The following ERG variants were observed in gnomAD, a reference collection of about 807,000 sequenced individuals.
ERG encodes ETS transcription factor ERG.
Under a neutral mutation model 55.3 loss-of-function variants are expected in ERG, and 9 were observed. The observed-to-expected ratio is 0.16, with a 90% CI of 0.10 to 0.28. ERG has a LOEUF of 0.28. Among genes scored for constraint, ERG ranks in the 10% least tolerant of loss-of-function variants. ERG has a pLI of 1.00. For synonymous variants in ERG, 223 were observed against 237.3 expected, an observed-to-expected ratio of 0.94 and a Z score of 0.55; for missense variants, 434 against 631.6, an observed-to-expected ratio of 0.69 and a Z score of 3.35.
At chr21:38,503,238 T>C (rs375938827), upstream of ERG, among the ~76,000 whole-genome samples, 2 of 152,208 alleles carry the variant, frequency 1.3e-5, no homozygotes, top group African/African-American at 4.8e-5. Flanking sequence ...ATGTTGTTCA[T>C]TTTTGTAAAT....
chr21:38,428,885 T>C (rs17193878), intron 2 of ERG, among the ~76,000 whole-genome samples: 5,858 of 152,244 alleles, frequency 0.038, 298 homozygotes, highest in East Asian at 0.21. Context: ...AAAATCATTT[T>C]GTCTTTTTAT....
intron 2 of ERG, among the ~76,000 whole-genome samples, chr21:38,514,345 A>G (rs2059536500): frequency 6.6e-6 from 1 of 151,910 alleles, no homozygotes; most frequent in Non-Finnish European, 1.5e-5. Flanking sequence ...TTCATACATA[A>G]ACATAGATGC....
In ERG at chr21:38,527,300, C is replaced by T. The variant is rs542459432; in HGVS notation, c.-41+48362G>A. Among the ~76,000 whole-genome samples, 8 of 152,318 alleles carry T rather than the reference C, an allele frequency of 5.3e-5. No individual in the cohort carries two copies. The East Asian group carries it at 1.5e-3, about 29-fold the overall frequency. On this transcript the variant is annotated intron_variant, in intron 2 of 8. Coordinates refer to the ERG transcript ENST00000398897. ...AAGTGTGGTCTCAGACCAGCAGCCTCAGCTGCAGCTGGGGGCTTGGAAATG... is the reference window on the plus strand; with the variant it reads ...AAGTGTGGTCTCAGACCAGCAGCCTTAGCTGCAGCTGGGGGCTTGGAAATG...
intron 2 of ERG, among the ~76,000 whole-genome samples, chr21:38,517,355 A>G (rs768022785): frequency 6.6e-6 from 1 of 152,198 alleles, no homozygotes; most frequent in Non-Finnish European, 1.5e-5. Flanking sequence ...CATATGAAAA[A>G]AAATACTCAA....
intron 2 of ERG, among the ~76,000 whole-genome samples, chr21:38,532,379 T>C (rs2059678994): frequency 6.6e-6 from 1 of 151,744 alleles, no homozygotes; most frequent in Non-Finnish European, 1.5e-5. Flanking sequence ...AATGTGATTG[T>C]AGGCTTCCAT....
At chr21:38,484,931 G>C (rs1568842019) in intron 1 of ERG, among the ~76,000 whole-genome samples, 1 of 151,632 alleles carries the variant, frequency 6.6e-6, no homozygotes, top group Non-Finnish European at 1.5e-5. Context: ...AATGATAATA[G>C]TTGACTATGT....
intron 1 of ERG, among the ~76,000 whole-genome samples, chr21:38,653,820 T>A (rs2060502313): frequency 6.6e-6 from 1 of 152,250 alleles, no homozygotes; most frequent in Non-Finnish European, 1.5e-5. Flanking sequence ...ATTTAATAGA[T>A]GCTCAATATA....
chr21:38,374,723 T>C, the ERG span, among the ~76,000 whole-genome samples: 1 of 152,134 alleles, frequency 6.6e-6, no homozygotes, highest in Non-Finnish European at 1.5e-5. Flanking sequence ...CCAAGACTTT[T>C]CAGACATGGT....
intron 2 of ERG, among the ~76,000 whole-genome samples, chr21:38,515,031 A>G (rs1025790186): frequency 1.3e-5 from 2 of 152,028 alleles, no homozygotes; most frequent in African/African-American, 4.8e-5. Context: ...AATCTAACAT[A>G]ATACGTGCAG....
intron 3 of ERG, among the ~76,000 whole-genome samples, chr21:38,412,725 C>A (rs959024460): frequency 6.6e-6 from 1 of 152,070 alleles, no homozygotes; most frequent in East Asian, 1.9e-4. Context: ...TTATTTTATA[C>A]TCTTTATCCA....
intron 1 of ERG, among the ~76,000 whole-genome samples, chr21:38,446,111 G>A (rs2058889342): frequency 6.6e-6 from 1 of 150,744 alleles, no homozygotes; most frequent in South Asian, 2.1e-4. Flanking sequence ...AGGGATCAAT[G>A]GAGCACCAAA....
chr21:38,427,906 G>T (rs987729554), intron 2 of ERG, among the ~76,000 whole-genome samples: 14 of 152,152 alleles, frequency 9.2e-5, no homozygotes, highest in African/African-American at 2.9e-4. Flanking sequence ...AGAAAAGGAC[G>T]CCAGGCACAG....
chr21:38,643,994 A>T (rs983926165), intron 1 of ERG, among the ~76,000 whole-genome samples: 2 of 152,018 alleles, frequency 1.3e-5, no homozygotes, highest in Non-Finnish European at 2.9e-5. Flanking sequence ...CCCTCTGCTC[A>T]CCCTCTCCCC....
rs370726834 is a variant in ERG, at chr21:38,580,023, T to C, written c.-126-4276A>G. 3.3e-4 allele frequency among the ~76,000 whole-genome samples: 51 copies of C among 152,296 alleles called. No individual in the cohort carries two copies. The East Asian group carries it at 8.5e-3, about 25-fold the overall frequency. ...TTTTAGTAGAGACGGGATTTCACCG[T>C]GTTAGCCAGGATGGTATCGATCTCC... On this transcript the variant is annotated intron_variant, in intron 1 of 8. Coordinates refer to the ERG transcript ENST00000398897.
intron 1 of ERG, among the ~76,000 whole-genome samples, chr21:38,448,456 A>G (rs1444477566): frequency 6.6e-6 from 1 of 152,250 alleles, no homozygotes; most frequent in African/African-American, 2.4e-5. Flanking sequence ...AATACAGTCC[A>G]CATTTTGAAA....
chr21:38,472,238 G>A (rs1355199313), intron 1 of ERG, among the ~76,000 whole-genome samples: 5 of 152,058 alleles, frequency 3.3e-5, no homozygotes, highest in African/African-American at 1.2e-4. Context: ...GGCATGAAAC[G>A]GTGCACTATT....
At chr21:38,620,073 G>T (rs2060281306) in intron 1 of ERG, among the ~76,000 whole-genome samples, 1 of 152,208 alleles carries the variant, frequency 6.6e-6, no homozygotes, top group Admixed American at 6.5e-5. Flanking sequence ...GCTGCACTTG[G>T]TTGGAATATC....
intron 1 of ERG, among the ~76,000 whole-genome samples, chr21:38,616,495 T>A (rs1364678644): frequency 6.6e-6 from 1 of 152,078 alleles, no homozygotes; most frequent in Non-Finnish European, 1.5e-5. Context: ...AGAGGGACAT[T>A]AGAGCATGGA....
intron 6 of ERG, among the ~76,000 whole-genome samples, chr21:38,397,430 T>C (rs534410065): frequency 2.1e-4 from 32 of 151,424 alleles, no homozygotes; most frequent in African/African-American, 7.3e-4. Flanking sequence ...AAACCCTATC[T>C]CTACTAAAAA....
Sources: gnomAD v4.1 joint callset for allele counts (sites outside exome capture counted in the v4.1 genomes callset) on GRCh38, gnomAD v4.1.1 for gene constraint, MANE v1.5 for transcripts, NCBI Gene and HGNC (gene_info 2026-07-23, HGNC 2026-07-21) for gene names.